CCNF: variants seen among roughly 807,000 people sequenced by gnomAD.
The protein encoded by CCNF is cyclin F, also known as cyclin-F.
A neutral mutation model predicts 85.4 loss-of-function variants in CCNF; 30 were observed. That is an observed-to-expected ratio of 0.35 (90% CI 0.26 to 0.48). CCNF has a LOEUF of 0.48. Ranked by LOEUF, CCNF falls within the 20% of genes least tolerant of loss-of-function variation. CCNF has a pLI of 0.99. For synonymous variants in CCNF, 439 were observed against 425.1 expected (o/e 1.03, Z -0.40); for missense variants, 919 against 1,010.4 (o/e 0.91, Z 1.23).
At chr16:2,431,427 T>C in intron 2 of CCNF, 143 bp downstream of exon 2, 1 of 850,722 alleles carries the variant, frequency 1.2e-6, no homozygotes, top group Admixed American at 2.8e-5. Context: ...GCCTTAATCC[T>C]AGCACTTTGG....
chr16:2,449,526 T>G (rs956537566), intron 12 of CCNF, 64 bp downstream of exon 12: 43 of 1,501,238 alleles, frequency 2.9e-5, no homozygotes, highest in Admixed American at 1.3e-4. Context: ...GAGGAGGCTG[T>G]GGGGAGGAAA....
chr16:2,448,088 TC>T (rs2065372083), intron 10 of CCNF, among the ~76,000 whole-genome samples: 1 of 152,230 alleles, frequency 6.6e-6, no homozygotes, highest in African/African-American at 2.4e-5. Flanking sequence ...AGGGTGACCA[TC>T]GCCTAGAGAC....
chr16:2,439,103 G>C (rs1199708558), intron 6 of CCNF, among the ~76,000 whole-genome samples: 1 of 150,776 alleles, frequency 6.6e-6, no homozygotes. Context: ...TTTGAGACCA[G>C]CCTGGCCAAC....
At chr16:2,433,750 T>C (rs893975655) in intron 3 of CCNF, among the ~76,000 whole-genome samples, 1 of 152,160 alleles carries the variant, frequency 6.6e-6, no homozygotes, top group African/African-American at 2.4e-5. Context: ...CACGCCCATC[T>C]AATTTTTGTA....
chr16:2,455,323 C>T, intron 15 of CCNF, 72 bp from the exon 16 acceptor site: 1 of 1,473,770 alleles, frequency 6.8e-7, no homozygotes, highest in Non-Finnish European at 9.0e-7. Context: ...GTGTTAGAGG[C>T]AGGTGTGGAG....
At chr16:2,445,298 C>A in intron 9 of CCNF, 160 bp from the exon 10 acceptor site, 1 of 781,616 alleles carries the variant, frequency 1.3e-6, no homozygotes, top group Non-Finnish European at 2.1e-6. Context: ...GCCTCCCGGG[C>A]TTCCTGTGAC....
rs777986464 is a variant in CCNF, at chr16:2,455,349, CG to C, written c.1716-45del. 23 of 1,502,736 alleles carry C rather than the reference CG, an allele frequency of 1.5e-5. No individual in the cohort carries two copies. In the Admixed American group the frequency reaches 4.7e-4, roughly 31 times the overall value. The allele number at this position is 1,502,736 out of a possible 1,614,324, so 93.1% of individuals were successfully genotyped here. On this transcript the variant is annotated intron_variant, in intron 15 of 16. Transcript: ENST00000397066. The stretch of plus-strand genomic sequence containing the variant: ...AGGTGTGGAGGGCCTGGCCTCCCAG[CG>C]CCGCCGTCCATGACTGGGTCTCCTG...
Position 2,434,501 on chromosome 16 carries a change from T to G in CCNF, c.279-1305T>G, listed in dbSNP as rs2065277722. Among the ~76,000 whole-genome samples, 3 of 150,912 alleles carry G rather than the reference T, an allele frequency of 2.0e-5. No homozygotes were observed. In the South Asian group the frequency reaches 6.3e-4, roughly 32 times the overall value. On this transcript the variant is annotated intron_variant, in intron 3 of 16. Transcript: ENST00000397066. ...TGGCACATGCCTGTAATGCCAGCTA[T>G]TCAGGAGGCTGAGGCAGGAGAATTG... is the stretch of plus-strand genomic sequence containing the variant.
At chr16:2,429,648 C>A (rs2065252723) in intron 1 of CCNF, 151 bp downstream of exon 1, 2 of 848,906 alleles carry the variant, frequency 2.4e-6, no homozygotes, top group Non-Finnish European at 3.1e-6. Context: ...TCGCGTCCCG[C>A]GCAGGGAGCC....
In CCNF at chr16:2,437,183, T is replaced by C. The variant is rs1238678447; in HGVS notation, c.401T>C (p.Phe134Ser). ...GTGAATGGCCTGAAGGCCTCTCGCT[T>C]CTTCAGTCTCGCTGAGCGGCTGAAT... ...AEVNGLKASR[F>S]FSLAERLNVG... Residue 134 changes from phenylalanine to serine, a missense_variant, in exon 5 of 17, where the codon TTC (phenylalanine) becomes TCC (serine). Physicochemically the swap from Phe to Ser is radical, Grantham distance 155 (BLOSUM62 -2). Transcript: ENST00000397066. 6.2e-7 allele frequency: 1 copy of C among 1,612,044 alleles called. No individual in the cohort carries two copies.
rs2065357456 is a variant in CCNF at position 2,445,566 on chromosome 16, G to A, written c.1038G>A (p.Leu346=). ...TGGACCGGTACCTGCGGAGGAGGCTGGTGCCGCGGTACAGGCTCCAGCTGC... is the reference window on the plus strand; with the variant it reads ...TGGACCGGTACCTGCGGAGGAGGCTAGTGCCGCGGTACAGGCTCCAGCTGC... The part of the protein sequence containing the change: ...ECVDRYLRRR[L]VPRYRLQLLG... The change falls in exon 10 of 17, where the codon CTG becomes CTA. Residue 346 remains leucine (L), a synonymous_variant. Transcript: ENST00000397066. The A allele has an allele frequency of 2.5e-6, 4 of 1,613,830 alleles. No individual in the cohort carries two copies. The highest frequency in any genetic ancestry group is 2.2e-5 in the South Asian group (2 of 91,082).
chr16:2,449,977 C>T (rs878988565), intron 13 of CCNF, 62 bp downstream of exon 13: 32 of 1,158,000 alleles, frequency 2.8e-5, no homozygotes, highest in East Asian at 2.6e-4. Flanking sequence ...GAGGCCGAGG[C>T]GGGCAGATCA....
chr16:2,439,329 G>A lies in CCNF; in HGVS notation c.595-24G>A, dbSNP rs1316805773. The A allele has an allele frequency of 4.6e-6, 7 of 1,534,644 alleles. No individual in the cohort carries two copies. In the South Asian group the frequency reaches 8.3e-5, roughly 18 times the overall value. ...AAATGAAAAAGAATAAGGGAACAAT[G>A]AACTCTGCTGGGATTTATTCTAGGA... is the stretch of plus-strand genomic sequence containing the variant. On this transcript the variant is annotated intron_variant, in intron 6 of 16. Coordinates refer to ENST00000397066, the MANE Select transcript of CCNF (RefSeq NM_001761.3).
At chr16:2,449,249 G>A (rs772326715) in intron 11 of CCNF, 33 bp from the exon 12 acceptor site, 172 of 1,611,512 alleles carry the variant, frequency 1.1e-4, no homozygotes, top group Middle Eastern at 1.6e-4. Context: ...GCCCCCGAGC[G>A]CTGAGAGCCC....
chr16:2,446,214 G>A (rs576092734), intron 10 of CCNF, among the ~76,000 whole-genome samples: 3 of 152,028 alleles, frequency 2.0e-5, no homozygotes, highest in South Asian at 4.1e-4. Context: ...GTGTGGCCTC[G>A]CTCTGGCAGG....
At chr16:2,455,057 C>CAAA (rs113432361) in intron 15 of CCNF, among the ~76,000 whole-genome samples, 182 of 46,686 alleles carry the variant, frequency 3.9e-3, no homozygotes, top group Non-Finnish European at 5.6e-3. Flanking sequence ...AAGAACACCT[C>CAAA]AAAAAAAAAA....
At position 2,453,525 on chromosome 16, in the gene CCNF, G is replaced by A. The variant is rs925919946; in HGVS notation, c.1703G>A (p.Arg568Gln). Residue 568 changes from arginine to glutamine, a missense_variant, in exon 15 of 17, where the codon CGG becomes CAG. This residue lies in a region of CCNF where 505 missense variants were observed against 514.8 expected (regional missense o/e 0.98). Transcript: ENST00000397066. This position sits in a 1 kb window ranked among gnomAD's most constrained non-coding sequence, Gnocchi z 5.6. ...IHAFLSSPSG[R>Q]RTKRKRENSL... ...GCCTTCCTCAGCTCTCCCTCGGGGC[G>A]GAGAACCAAACGGTTAGTTACCCTG... is the stretch of plus-strand genomic sequence containing the variant. The A allele has an allele frequency of 2.0e-5, 32 of 1,613,848 alleles. No individual in the cohort carries two copies. The highest frequency in any genetic ancestry group is 4.5e-5 in the East Asian group (2 of 44,886).
intron 6 of CCNF, 144 bp downstream of exon 6, chr16:2,438,267 C>G (rs2065302169): frequency 2.8e-6 from 2 of 723,260 alleles, no homozygotes; most frequent in Admixed American, 2.0e-5. Flanking sequence ...CTGGAGAAGC[C>G]AGGGGACACA....
chr16:2,445,465 C>G lies in CCNF; in HGVS notation c.937C>G (p.Leu313Val). ...KGLNDTMRYI[L>V]IDWLVEVATM... ...GTGCTTCTCTTTCCGCAGGTACATTCTGATCGACTGGCTGGTGGAAGTTGC... is the reference window on the plus strand; with the variant it reads ...GTGCTTCTCTTTCCGCAGGTACATTGTGATCGACTGGCTGGTGGAAGTTGC... The change falls in exon 10 of 17, where the codon CTG becomes GTG. Residue 313 changes from leucine to valine, a missense_variant. Transcript: ENST00000397066. 6.2e-7 allele frequency: 1 copy of G among 1,614,158 alleles called. No homozygotes were observed. Among genetic ancestry groups the G allele is most frequent in the Non-Finnish European group, 8.5e-7 (1 of 1,180,026 alleles).
Sources: allele counts gnomAD v4.1 joint callset (sites outside exome capture counted in the v4.1 genomes callset), GRCh38; gene constraint gnomAD v4.1.1; regional missense constraint gnomAD v4.1.1; non-coding constraint Gnocchi (gnomAD v3.1); transcripts MANE v1.5; gene names NCBI Gene and HGNC (gene_info 2026-07-23, HGNC 2026-07-21).